TRIB2: variants seen among roughly 807,000 people sequenced by gnomAD.
TRIB2 encodes tribbles pseudokinase 2.
A neutral mutation model predicts 26.8 loss-of-function variants in TRIB2; 2 were observed. The observed-to-expected ratio is 0.07, with a 90% confidence interval of 0.03 to 0.24. The LOEUF (loss-of-function observed/expected upper bound fraction) is 0.24, where lower values mean the gene tolerates loss of function less well. Among genes scored for constraint, TRIB2 ranks in the 10% least tolerant of loss-of-function variants. The pLI is 1.00. For synonymous variants in TRIB2, 189 were observed against 187.3 expected (o/e 1.01, Z -0.08); for missense variants, 306 against 449.0 (o/e 0.68, Z 2.88).
chr2:12,740,707 G>A lies in TRIB2; in HGVS notation c.945G>A (p.Ser315=), dbSNP rs369596172. ...HPWFSTDFSV[S]NSAYGAKEVS... Reference sequence around the variant, plus strand: ...GGTTTTCTACAGATTTTAGCGTCTCGAATTCAGCATATGGTGCTAAGGAAG... The same window carrying A: ...GGTTTTCTACAGATTTTAGCGTCTCAAATTCAGCATATGGTGCTAAGGAAG... The change falls in exon 3 of 3, where the codon TCG becomes TCA. Residue 315 remains serine, a synonymous_variant. Transcript: ENST00000155926. This position sits in a 1 kb window ranked among gnomAD's most constrained non-coding sequence, Gnocchi z 5.8. The A allele has an allele frequency of 6.2e-5, 100 of 1,614,138 alleles. No individual in the cohort carries two copies. The highest frequency in any genetic ancestry group is 1.6e-4 in the South Asian group (15 of 91,082).
Position 12,717,797 on chromosome 2 carries a change from C to T in TRIB2, c.-511C>T. On this transcript the variant is annotated 5_prime_UTR_variant, in exon 1 of 3. Coordinates refer to ENST00000155926, the MANE Select transcript of TRIB2 (RefSeq NM_021643.4). This position sits in a 1 kb window ranked among gnomAD's most constrained non-coding sequence, Gnocchi z 4.8. ...TGCCGTGCGTCGCCAGCCGGTAGACCCGTGCTTGTTTCCTTTCTCTTTTTG... is the reference window on the plus strand; with the variant it reads ...TGCCGTGCGTCGCCAGCCGGTAGACTCGTGCTTGTTTCCTTTCTCTTTTTG... 3.3e-6 allele frequency: 1 copy of T among 307,474 alleles called. No individual in the cohort carries two copies. The highest frequency in any genetic ancestry group is 5.9e-6 in the Non-Finnish European group (1 of 169,258). 19.0% of individuals were successfully genotyped at this position (307,474 alleles called of 1,614,324 possible).
Position 12,718,527 on chromosome 2 carries a change from C to G in TRIB2, c.220C>G (p.His74Asp). ...ATTGTTGGAACCTCTGGAGGGAGAC[C>G]ACGTTTTTCGTGCCGTGCATCTGCA... ...YLLLEPLEGD[H>D]VFRAVHLHSG... The change falls in exon 1 of 3, where the codon CAC becomes GAC. Residue 74 changes from histidine to aspartate, a missense_variant. By Grantham distance (81) the His-to-Asp change is moderately conservative. This residue lies in a region of TRIB2 where 99 missense variants were observed against 106.5 expected (regional missense o/e 0.93). Coordinates refer to ENST00000155926, the MANE Select transcript of TRIB2 (RefSeq NM_021643.4). This position sits in a 1 kb window ranked among gnomAD's most constrained non-coding sequence, Gnocchi z 4.0. 1 of 1,614,104 alleles carries G rather than the reference C, an allele frequency of 6.2e-7. No individual in the cohort carries two copies. The highest frequency in any genetic ancestry group is 8.5e-7 in the Non-Finnish European group (1 of 1,180,010).
At chr2:12,731,842 A>T in intron 2 of TRIB2, among the ~76,000 whole-genome samples, 1 of 152,142 alleles carries the variant, frequency 6.6e-6, no homozygotes, top group African/African-American at 2.4e-5. Context: ...AAAATTCTGG[A>T]CCCCGAAGCA....
chr2:12,739,205 G>A (rs899624236), intron 2 of TRIB2, among the ~76,000 whole-genome samples: 1 of 152,164 alleles, frequency 6.6e-6, no homozygotes, highest in Non-Finnish European at 1.5e-5. Flanking sequence ...GGCCTTGGGA[G>A]TATGAGGGGC....
In TRIB2 at chr2:12,718,553, C is replaced by G. The variant is rs375488806; in HGVS notation, c.246C>G (p.His82Gln). Reference sequence around the variant, plus strand: ...ACGTTTTTCGTGCCGTGCATCTGCACAGCGGAGAGGAGCTGGTGTGCAAGG... The same window carrying G: ...ACGTTTTTCGTGCCGTGCATCTGCAGAGCGGAGAGGAGCTGGTGTGCAAGG... ...GDHVFRAVHL[H>Q]SGEELVCKVF... Residue 82 changes from histidine (H) to glutamine (Q), a missense_variant, in exon 1 of 3, where the codon CAC becomes CAG. Transcript: ENST00000155926. The surrounding 1 kb of genome is among the most constrained non-coding windows in gnomAD (Gnocchi z 4.0). The G allele has an allele frequency of 6.2e-7, 1 of 1,613,894 alleles. No individual in the cohort carries two copies. Among genetic ancestry groups the G allele is most frequent in the Non-Finnish European group, 8.5e-7 (1 of 1,179,894 alleles).
intron 2 of TRIB2, among the ~76,000 whole-genome samples, chr2:12,729,922 G>T (rs911648092): frequency 2.0e-5 from 3 of 152,160 alleles, no homozygotes; most frequent in African/African-American, 7.2e-5. Flanking sequence ...CACAGTGCCT[G>T]GTGCACTGCA....
chr2:12,722,724 A>G (rs1195759485), intron 1 of TRIB2, among the ~76,000 whole-genome samples: 2 of 152,196 alleles, frequency 1.3e-5, no homozygotes, highest in Admixed American at 6.5e-5. Flanking sequence ...CTCAGTTTCC[A>G]TATCTGTAAA....
intron 2 of TRIB2, chr2:12,724,490 G>T: frequency 7.2e-7 from 1 of 1,391,920 alleles, no homozygotes; most frequent in Non-Finnish European, 9.7e-7. Flanking sequence ...TCCTGAATGA[G>T]GCCCCACATA....
At position 12,718,125 on chromosome 2, in the gene TRIB2, C is replaced by A; in HGVS notation, c.-183C>A. 3.7e-6 allele frequency: 3 copies of A among 821,426 alleles called. No homozygotes were observed. The highest frequency in any genetic ancestry group is 5.5e-6 in the Non-Finnish European group (3 of 544,144). 50.9% of individuals were successfully genotyped at this position (821,426 alleles called of 1,614,324 possible). ...CCCCGGGAGCCGGGCTCGGAGCAGA[C>A]GAGGTATCCGGCGGCGCCCATTTGG... On this transcript the variant is annotated 5_prime_UTR_variant, in exon 1 of 3. Transcript: ENST00000155926. The surrounding 1 kb of genome is among the most constrained non-coding windows in gnomAD (Gnocchi z 4.0).
At chr2:12,738,046 G>A (rs527615807) in intron 2 of TRIB2, among the ~76,000 whole-genome samples, 39 of 152,234 alleles carry the variant, frequency 2.6e-4, no homozygotes, top group African/African-American at 9.4e-4. Flanking sequence ...AAATTAATAC[G>A]GAAAGTAGTC....
intron 2 of TRIB2, among the ~76,000 whole-genome samples, chr2:12,726,438 G>A (rs1378910207): frequency 6.6e-6 from 1 of 152,210 alleles, no homozygotes; most frequent in Non-Finnish European, 1.5e-5. Flanking sequence ...AGCACTTCCT[G>A]AGGGAAGAGT....
chr2:12,719,822 T>C (rs1209624976), intron 1 of TRIB2, among the ~76,000 whole-genome samples: 1 of 152,226 alleles, frequency 6.6e-6, no homozygotes, highest in Non-Finnish European at 1.5e-5. Context: ...TCGGAGACTC[T>C]TTAAATGTTG....
At chr2:12,736,615 C>T (rs892921900) in intron 2 of TRIB2, among the ~76,000 whole-genome samples, 5 of 152,200 alleles carry the variant, frequency 3.3e-5, no homozygotes, top group Non-Finnish European at 5.9e-5. Context: ...CTGAAGCTCA[C>T]CCCCTGGGGT....
intron 2 of TRIB2, among the ~76,000 whole-genome samples, chr2:12,737,948 G>A (rs1030262116): frequency 2.6e-5 from 4 of 152,158 alleles, no homozygotes; most frequent in Admixed American, 6.5e-5. Context: ...CAGCAGGTGA[G>A]AGACAGAGCC....
At chr2:12,719,079 G>A (rs1177376084) in intron 1 of TRIB2, among the ~76,000 whole-genome samples, 1 of 152,182 alleles carries the variant, frequency 6.6e-6, no homozygotes, top group Non-Finnish European at 1.5e-5. Context: ...CTTCGGCTGA[G>A]CCCAGGGGCC....
chr2:12,725,932 T>G (rs1252121053), intron 2 of TRIB2, among the ~76,000 whole-genome samples: 1 of 152,166 alleles, frequency 6.6e-6, no homozygotes, highest in Admixed American at 6.5e-5. Context: ...AAATGAGAAC[T>G]CCTCCATCTG....
At chr2:12,734,679 G>A (rs577725868) in intron 2 of TRIB2, among the ~76,000 whole-genome samples, 2 of 152,160 alleles carry the variant, frequency 1.3e-5, no homozygotes, top group Admixed American at 1.3e-4. Context: ...CTGAGAAGGT[G>A]GGTGTTACTT....
rs746256609 is a variant in TRIB2, at chr2:12,723,452, C to T, written c.463C>T (p.Leu155=). ...GCTGAGAGAGGAGGAGGCAGCCAGA[C>T]TGTTCTACCAGATTGCCTCGGCAGT... ...KKLREEEAAR[L]FYQIASAVAH... The change falls in exon 2 of 3, where the codon CTG becomes TTG. Residue 155 remains leucine, a synonymous_variant. Coordinates refer to ENST00000155926, the MANE Select transcript of TRIB2 (RefSeq NM_021643.4). 5.0e-6 allele frequency: 8 copies of T among 1,614,246 alleles called. No individual in the cohort carries two copies. The South Asian group carries it at 6.6e-5, about 13-fold the overall frequency.
chr2:12,740,715 C>T lies in TRIB2; in HGVS notation c.953C>T (p.Ala318Val), dbSNP rs1292755288. Reference sequence around the variant, plus strand: ...ACAGATTTTAGCGTCTCGAATTCAGCATATGGTGCTAAGGAAGTGTCTGAC... The same window carrying T: ...ACAGATTTTAGCGTCTCGAATTCAGTATATGGTGCTAAGGAAGTGTCTGAC... Reference protein sequence around the residue: ...FSTDFSVSNSAYGAKEVSDQL... With the variant: ...FSTDFSVSNSVYGAKEVSDQL... Residue 318 changes from alanine to valine, a missense_variant, in exon 3 of 3, where the codon GCA becomes GTA. Coordinates refer to ENST00000155926, the MANE Select transcript of TRIB2 (RefSeq NM_021643.4). The surrounding 1 kb of genome is among the most constrained non-coding windows in gnomAD (Gnocchi z 5.8). The T allele has an allele frequency of 2.5e-6, 4 of 1,614,168 alleles. No individual in the cohort carries two copies. The highest frequency in any genetic ancestry group is 3.4e-6 in the Non-Finnish European group (4 of 1,180,042).
Sources: gnomAD v4.1 joint callset for allele counts (sites outside exome capture counted in the v4.1 genomes callset) on GRCh38, gnomAD v4.1.1 for gene constraint, gnomAD v4.1.1 regional missense constraint, Gnocchi (gnomAD v3.1) non-coding constraint, MANE v1.5 for transcripts, NCBI Gene and HGNC (gene_info 2026-07-23, HGNC 2026-07-21) for gene names.